Variants in GPD2 observed in about 807,000 individuals in gnomAD.
The protein encoded by GPD2 is glycerol-3-phosphate dehydrogenase, mitochondrial.
A neutral mutation model predicts 82.4 loss-of-function variants in GPD2; 54 were observed. That is an observed-to-expected ratio of 0.66 (90% confidence interval 0.53 to 0.82). The LOEUF is 0.82. Among genes scored for constraint, GPD2 ranks in the 40% least tolerant of loss-of-function variants. The pLI, the probability that GPD2 is intolerant of heterozygous loss-of-function variation, is 0.00. For missense variants in GPD2, 748 were observed against 896.2 expected (o/e 0.83, Z 2.11); for synonymous variants, 288 against 306.1 (o/e 0.94, Z 0.62).
Position 156,516,001 on chromosome 2 carries a change from T to C in GPD2, c.661+2505T>C, listed in dbSNP as rs143046212. 4.0e-3 allele frequency among the ~76,000 whole-genome samples: 609 copies of C among 152,314 alleles called. 6 individuals are homozygous for C. Among genetic ancestry groups the C allele is most frequent in the African/African-American group, 0.014 (585 of 41,568 alleles). ...GGAGCATGTAGGTAAAAGAATTAAA[T>C]GAGTAAATCCATGCTCAACAAAAGG... is the stretch of plus-strand genomic sequence containing the variant. On this transcript the variant is annotated intron_variant, in intron 6 of 16. Transcript: ENST00000438166.
intron 6 of GPD2, among the ~76,000 whole-genome samples, chr2:156,535,266 A>G (rs1441043076): frequency 6.6e-6 from 1 of 151,422 alleles, no homozygotes; most frequent in Non-Finnish European, 1.5e-5. Flanking sequence ...ATGGGAAGGA[A>G]TCCCAGGTGA....
At chr2:156,433,187 T>C (rs1200580240), upstream of GPD2, among the ~76,000 whole-genome samples, 1 of 152,238 alleles carries the variant, frequency 6.6e-6, no homozygotes, top group Non-Finnish European at 1.5e-5. Flanking sequence ...TTACAGTTTA[T>C]AGTTTTAACA....
At chr2:156,443,809 C>G (rs991821866) in intron 1 of GPD2, among the ~76,000 whole-genome samples, 9 of 152,156 alleles carry the variant, frequency 5.9e-5, no homozygotes, top group Non-Finnish European at 1.0e-4. Flanking sequence ...TTTCTCCCTT[C>G]CCCCTACTTA....
In GPD2 at chr2:156,583,558, T is replaced by C. The variant is rs1310214635; in HGVS notation, c.*640T>C. On this transcript the variant is annotated 3_prime_UTR_variant, in exon 17 of 17. Coordinates refer to ENST00000438166, the MANE Select transcript of GPD2 (RefSeq NM_000408.5). ...TTAGATCTGGTTACTGGAGCAAGTCTCAAAGAGAAACTCTGAAAGCTTCCA... is the reference window on the plus strand; with the variant it reads ...TTAGATCTGGTTACTGGAGCAAGTCCCAAAGAGAAACTCTGAAAGCTTCCA... The C allele has an allele frequency of 6.4e-6, 1 of 156,468 alleles. No individual in the cohort carries two copies. Among genetic ancestry groups the C allele is most frequent in the Admixed American group, 6.2e-5 (1 of 16,056 alleles). The allele number at this position is 156,468 out of a possible 1,614,324, so 9.7% of individuals were successfully genotyped here.
At chr2:156,492,058 ATAG>A (rs1190716707) in intron 2 of GPD2, among the ~76,000 whole-genome samples, 2 of 151,086 alleles carry the variant, frequency 1.3e-5, no homozygotes, top group Non-Finnish European at 2.9e-5. Flanking sequence ...GTTTTCCAAA[ATAG>A]CTGTATAATT....
At chr2:156,556,791 A>G (rs1157227625) in intron 8 of GPD2, among the ~76,000 whole-genome samples, 4 of 152,294 alleles carry the variant, frequency 2.6e-5, no homozygotes, top group African/African-American at 9.6e-5. Context: ...AGATTTTTGT[A>G]ACCTCGAAAT....
chr2:156,528,548 A>G (rs1440239758), intron 6 of GPD2, among the ~76,000 whole-genome samples: 1 of 149,238 alleles, frequency 6.7e-6, no homozygotes, highest in Non-Finnish European at 1.5e-5. Context: ...CTAACTTGTC[A>G]TCTAGCATTA....
At chr2:156,569,567 T>C in intron 11 of GPD2, 29 bp downstream of exon 11, 1 of 1,547,406 alleles carries the variant, frequency 6.5e-7, no homozygotes, top group Non-Finnish European at 8.9e-7. Flanking sequence ...ATCATCTTAC[T>C]CTTTACCTAA....
chr2:156,480,840 A>G (rs1029185754), intron 2 of GPD2, among the ~76,000 whole-genome samples: 10 of 147,980 alleles, frequency 6.8e-5, no homozygotes, highest in Non-Finnish European at 1.0e-4. Flanking sequence ...TGCCAGGGGC[A>G]TGATCTCAGC....
chr2:156,556,271 A>G (rs1686958813), intron 8 of GPD2, among the ~76,000 whole-genome samples: 2 of 152,182 alleles, frequency 1.3e-5, no homozygotes, highest in African/African-American at 4.8e-5. Context: ...AAATAACATT[A>G]ATAGAAGCTA....
At chr2:156,434,475 C>A (rs1688366839), upstream of GPD2, among the ~76,000 whole-genome samples, 1 of 151,826 alleles carries the variant, frequency 6.6e-6, no homozygotes, top group Non-Finnish European at 1.5e-5. Flanking sequence ...CATAAAAAAA[C>A]AAACTATTAA....
At chr2:156,470,369 A>G (rs768626038) in intron 1 of GPD2, among the ~76,000 whole-genome samples, 7 of 151,746 alleles carry the variant, frequency 4.6e-5, no homozygotes, top group Non-Finnish European at 1.0e-4. Flanking sequence ...CTAATTTTTA[A>G]ATTTTCTTTA....
chr2:156,489,015 G>A (rs1684050093), intron 2 of GPD2, among the ~76,000 whole-genome samples: 1 of 152,122 alleles, frequency 6.6e-6, no homozygotes, highest in Non-Finnish European at 1.5e-5. Flanking sequence ...TGTGTGTTGG[G>A]CTCTCCTCTT....
At chr2:156,504,674 T>G (rs1287136223) in intron 3 of GPD2, among the ~76,000 whole-genome samples, 1 of 151,992 alleles carries the variant, frequency 6.6e-6, no homozygotes, top group Non-Finnish European at 1.5e-5. Flanking sequence ...AACAATGGGA[T>G]AATCCAAATA....
intron 3 of GPD2, among the ~76,000 whole-genome samples, chr2:156,504,064 A>G (rs976199517): frequency 3.3e-5 from 5 of 152,172 alleles, no homozygotes; most frequent in African/African-American, 1.2e-4. Flanking sequence ...TGTTCTAACA[A>G]CATCATATCT....
chr2:156,447,494 C>G (rs1278809578), intron 1 of GPD2, among the ~76,000 whole-genome samples: 1 of 151,996 alleles, frequency 6.6e-6, no homozygotes, highest in Non-Finnish European at 1.5e-5. Context: ...GCCATCATAC[C>G]TGATTGATTT....
At chr2:156,402,985 G>A in the GPD2 span, among the ~76,000 whole-genome samples, 2 of 151,888 alleles carry the variant, frequency 1.3e-5, no homozygotes, top group South Asian at 4.1e-4. Context: ...AACTGAGGGA[G>A]CAGGGCAATA....
At position 156,513,369 on chromosome 2, in the gene GPD2, G is replaced by C; in HGVS notation, c.534G>C (p.Lys178Asn). 7.4e-6 allele frequency: 12 copies of C among 1,612,058 alleles called. No homozygotes were observed. Among genetic ancestry groups the C allele is most frequent in the Non-Finnish European group, 1.0e-5 (12 of 1,179,214 alleles). The change falls in exon 6 of 17, where the codon AAG (lysine) becomes AAC (asparagine). Residue 178 changes from lysine (K) to asparagine (N), a missense_variant. This residue lies in a region of GPD2 where 692 missense variants were observed against 809.7 expected (regional missense o/e 0.85). Transcript: ENST00000438166. ...TACCTTACTACTGGGTAGGAATCAA[G>C]CTGTATGATTTGGTTGCAGGAAGCA... is the stretch of plus-strand genomic sequence containing the variant. ...WQLPYYWVGI[K>N]LYDLVAGSNC...
intron 3 of GPD2, among the ~76,000 whole-genome samples, chr2:156,508,355 C>G (rs1684861301): frequency 6.6e-6 from 1 of 152,044 alleles, no homozygotes; most frequent in South Asian, 2.1e-4. Context: ...ACTTCCCAGT[C>G]TTTAATGACC....
Sources: gnomAD v4.1 joint callset for allele counts (sites outside exome capture counted in the v4.1 genomes callset) on GRCh38, gnomAD v4.1.1 for gene constraint, gnomAD v4.1.1 regional missense constraint, MANE v1.5 for transcripts, NCBI Gene and HGNC (gene_info 2026-07-23, HGNC 2026-07-21) for gene names.